Variants in CTNND2 observed in about 807,000 individuals in gnomAD.
CTNND2 encodes catenin delta-2.
Under a neutral mutation model 144.4 loss-of-function variants are expected in CTNND2, and 22 were observed. The ratio of observed to expected loss-of-function variants is 0.15; its 90% CI spans 0.11 to 0.22. The LOEUF (loss-of-function observed/expected upper bound fraction) is 0.22, where lower values mean the gene tolerates loss of function less well. CTNND2 is among the 10% of genes least tolerant of loss of function. CTNND2 has a pLI of 1.00. For synonymous variants in CTNND2, 751 were observed against 695.6 expected, an observed-to-expected ratio of 1.08 and a Z score of -1.25; for missense variants, 1,353 against 1,618.8, an observed-to-expected ratio of 0.84 and a Z score of 2.82.
chr5:11,340,746 T>C (rs1250070080), intron 9 of CTNND2, among the ~76,000 whole-genome samples: 2 of 152,210 alleles, frequency 1.3e-5, no homozygotes, highest in East Asian at 3.9e-4. Flanking sequence ...CAAATAGGTA[T>C]GAATGTCCAT....
intron 9 of CTNND2, among the ~76,000 whole-genome samples, chr5:11,304,015 G>T (rs1384599497): frequency 6.6e-6 from 1 of 152,060 alleles, no homozygotes; most frequent in Non-Finnish European, 1.5e-5. Context: ...CTTGCCTGCC[G>T]CCATGTAAGA....
At chr5:11,403,808 T>A (rs1257840459) in intron 5 of CTNND2, among the ~76,000 whole-genome samples, 1 of 152,206 alleles carries the variant, frequency 6.6e-6, no homozygotes, top group Non-Finnish European at 1.5e-5. Flanking sequence ...ACACTACAAT[T>A]TGTGAATGGG....
chr5:11,687,729 G>A (rs1422950563), intron 2 of CTNND2, among the ~76,000 whole-genome samples: 1 of 152,196 alleles, frequency 6.6e-6, no homozygotes, highest in Non-Finnish European at 1.5e-5. Context: ...CATGGAGCAC[G>A]TGTTCTAGTG....
intron 10 of CTNND2, among the ~76,000 whole-genome samples, chr5:11,232,952 T>C (rs1374136994): frequency 1.3e-5 from 2 of 152,156 alleles, no homozygotes; most frequent in Non-Finnish European, 2.9e-5. Context: ...TCTCACAAGA[T>C]CTGATGGTTT....
chr5:11,133,319 C>T (rs1422941835), intron 12 of CTNND2, among the ~76,000 whole-genome samples: 2 of 151,878 alleles, frequency 1.3e-5, no homozygotes, highest in African/African-American at 4.8e-5. Flanking sequence ...GTAATTTAAT[C>T]TTAATTACTA....
At chr5:11,761,175 G>T (rs1358322930) in intron 1 of CTNND2, among the ~76,000 whole-genome samples, 1 of 152,116 alleles carries the variant, frequency 6.6e-6, no homozygotes, top group African/African-American at 2.4e-5. Flanking sequence ...GTCTGCACAC[G>T]GCACCCGCAT....
Position 11,199,354 on chromosome 5 carries a change from C to T in CTNND2, c.1975+94G>A, listed in dbSNP as rs765990314. Reference sequence around the variant, plus strand: ...GAGACCGCCTATGTTATTAGAACACCACAATATTTATTTGATTAGTACATT... The same window carrying T: ...GAGACCGCCTATGTTATTAGAACACTACAATATTTATTTGATTAGTACATT... On this transcript the variant is annotated intron_variant, in intron 11 of 21. Coordinates refer to ENST00000304623, the MANE Select transcript of CTNND2 (RefSeq NM_001332.4). The T allele has an allele frequency of 9.3e-5, 107 of 1,145,036 alleles. 1 individual carries two copies. The Middle Eastern group carries it at 2.0e-3, about 22-fold the overall frequency. The allele number at this position is 1,145,036 out of a possible 1,614,324, so 70.9% of individuals were successfully genotyped here.
chr5:11,026,256 G>T (rs1742810317), intron 16 of CTNND2, among the ~76,000 whole-genome samples: 1 of 152,006 alleles, frequency 6.6e-6, no homozygotes, highest in African/African-American at 2.4e-5. Flanking sequence ...CAGAAGAAGT[G>T]CCTGTCTTGG....
chr5:11,236,882 C>T lies in CTNND2; in HGVS notation c.1629-59G>A. The T allele has an allele frequency of 2.5e-6, 4 of 1,574,496 alleles. 1 individual carries two copies. The highest frequency in any genetic ancestry group is 3.5e-6 in the Non-Finnish European group (4 of 1,146,594). On this transcript the variant is annotated intron_variant, in intron 9 of 21. Coordinates refer to ENST00000304623, the MANE Select transcript of CTNND2 (RefSeq NM_001332.4). ...GAGAGAAATCCTACCACACTGTTAA[C>T]ACATGGTTAGCTCGTGTATGAAATG...
At chr5:11,238,446 C>A (rs1741869348) in intron 9 of CTNND2, among the ~76,000 whole-genome samples, 1 of 152,162 alleles carries the variant, frequency 6.6e-6, no homozygotes, top group Non-Finnish European at 1.5e-5. Context: ...AGAGAAGGAA[C>A]AGACAAAGGT....
rs191673475 is a variant in CTNND2 at position 11,619,914 on chromosome 5, A to G, written c.175-54858T>C. Among the ~76,000 whole-genome samples the G allele has an allele frequency of 1.8e-4, 27 of 152,312 alleles. No individual in the cohort carries two copies. The East Asian group carries it at 5.0e-3, about 28-fold the overall frequency. Reference sequence around the variant, plus strand: ...GAAAAATCATGTGATTCACCTTATTATCTGACCTGTGAAGTTTCCATCATA... The same window carrying G: ...GAAAAATCATGTGATTCACCTTATTGTCTGACCTGTGAAGTTTCCATCATA... On this transcript the variant is annotated intron_variant, in intron 2 of 21. Transcript: ENST00000304623.
At chr5:11,825,684 T>A (rs1793567192) in intron 1 of CTNND2, among the ~76,000 whole-genome samples, 1 of 152,036 alleles carries the variant, frequency 6.6e-6, no homozygotes, top group South Asian at 2.1e-4. Flanking sequence ...TATTATTAAT[T>A]TGCTTTTGCT....
At chr5:11,089,221 A>T (rs1750503062) in intron 15 of CTNND2, among the ~76,000 whole-genome samples, 1 of 152,128 alleles carries the variant, frequency 6.6e-6, no homozygotes, top group Non-Finnish European at 1.5e-5. Context: ...GTATTTGCCT[A>T]TGTGGGGGTC....
chr5:11,763,929 T>C (rs552324931), intron 1 of CTNND2, among the ~76,000 whole-genome samples: 2 of 151,524 alleles, frequency 1.3e-5, no homozygotes, highest in East Asian at 1.9e-4. Context: ...CCCCCAAGGA[T>C]ATCCAAATTC....
intron 2 of CTNND2, among the ~76,000 whole-genome samples, chr5:11,631,792 G>T (rs566613612): frequency 7.2e-5 from 11 of 152,294 alleles, no homozygotes; most frequent in South Asian, 2.1e-4. Context: ...GCCCCAGCTT[G>T]CTCCTCAGGA....
chr5:11,516,100 T>C (rs1772141331), intron 3 of CTNND2, among the ~76,000 whole-genome samples: 1 of 151,718 alleles, frequency 6.6e-6, no homozygotes, highest in Admixed American at 6.6e-5. Flanking sequence ...AGCAAAACAG[T>C]GTCTCAAAAA....
chr5:11,044,509 A>G (rs1745013981), intron 16 of CTNND2, among the ~76,000 whole-genome samples: 1 of 143,748 alleles, frequency 7.0e-6, no homozygotes, highest in Non-Finnish European at 1.5e-5. Context: ...TTTCAAAGTG[A>G]GTAGAAACAA....
intron 16 of CTNND2, among the ~76,000 whole-genome samples, chr5:11,044,086 C>T (rs558954562): frequency 7.6e-4 from 116 of 152,346 alleles, no homozygotes; most frequent in Middle Eastern, 3.4e-3. Flanking sequence ...GGGTAGCAGC[C>T]TCTGCCCGGC....
intron 19 of CTNND2, among the ~76,000 whole-genome samples, chr5:10,991,894 G>A (rs1030169870): frequency 1.3e-5 from 2 of 152,174 alleles, no homozygotes; most frequent in African/African-American, 4.8e-5. Context: ...ATGACAAAAT[G>A]CAACTCAAAC....
Sources: allele counts gnomAD v4.1 joint callset (sites outside exome capture counted in the v4.1 genomes callset), GRCh38; gene constraint gnomAD v4.1.1; transcripts MANE v1.5; gene names NCBI Gene and HGNC (gene_info 2026-07-23, HGNC 2026-07-21).